The following ZMIZ1 variants were observed in gnomAD, a reference collection of about 807,000 sequenced individuals.
ZMIZ1 encodes the protein zinc finger MIZ domain-containing protein 1.
Under a neutral mutation model 113.9 loss-of-function variants are expected in ZMIZ1, and 17 were observed. The observed-to-expected ratio is 0.15, with a 90% CI of 0.10 to 0.22. The LOEUF is 0.22. Among genes scored for constraint, ZMIZ1 ranks in the 10% least tolerant of loss-of-function variants. ZMIZ1 has a pLI of 1.00. For missense variants in ZMIZ1, 1,059 were observed against 1,477.8 expected (o/e 0.72, Z 4.65); for synonymous variants, 607 against 603.1 (o/e 1.01, Z -0.09).
chr10:79,188,336 A>G (rs1262787143), intron 4 of ZMIZ1, among the ~76,000 whole-genome samples: 1 of 151,904 alleles, frequency 6.6e-6, no homozygotes, highest in Non-Finnish European at 1.5e-5. Context: ...AGCTCATGTG[A>G]CCTTCCTACT....
chr10:79,198,993 C>G (rs959058902), intron 4 of ZMIZ1, among the ~76,000 whole-genome samples: 1 of 150,854 alleles, frequency 6.6e-6, no homozygotes, highest in Non-Finnish European at 1.5e-5. Flanking sequence ...AAGATCACGC[C>G]ATTGCACTCC....
At chr10:79,195,609 G>A (rs1228092521) in intron 4 of ZMIZ1, among the ~76,000 whole-genome samples, 1 of 152,250 alleles carries the variant, frequency 6.6e-6, no homozygotes, top group Non-Finnish European at 1.5e-5. Context: ...CTCTTGTGGC[G>A]AAGGGCGACC....
intron 3 of ZMIZ1, among the ~76,000 whole-genome samples, chr10:79,154,450 G>A (rs1173616364): frequency 6.6e-6 from 1 of 152,202 alleles, no homozygotes; most frequent in East Asian, 1.9e-4. Flanking sequence ...GCAGAGGCAA[G>A]AGGCAAAACT....
chr10:79,180,835 G>T (rs576621293), intron 4 of ZMIZ1, among the ~76,000 whole-genome samples: 34 of 152,350 alleles, frequency 2.2e-4, no homozygotes, highest in African/African-American at 7.5e-4. Flanking sequence ...TTTGACTCCA[G>T]TCCCAGCTCA....
At position 79,277,177 on chromosome 10, in the gene ZMIZ1, G is replaced by A. The variant is rs1223650801; in HGVS notation, c.281-4G>A. On this transcript the variant is annotated splice_region_variant and splice_polypyrimidine_tract_variant and intron_variant, in intron 7 of 24. Transcript: ENST00000334512. Reference sequence around the variant, plus strand: ...ACCCACTGACTGTCCTGTCCTTCCTGCAGCCTTGTTGTCCTCCTGGTGCGA... The same window carrying A: ...ACCCACTGACTGTCCTGTCCTTCCTACAGCCTTGTTGTCCTCCTGGTGCGA... The A allele has an allele frequency of 2.6e-6, 4 of 1,531,914 alleles. No individual in the cohort carries two copies. Among genetic ancestry groups the A allele is most frequent in the African/African-American group, 2.8e-5 (2 of 70,376 alleles). The allele number at this position is 1,531,914 out of a possible 1,614,324, so 94.9% of individuals were successfully genotyped here.
chr10:79,098,116 C>A (rs897757467), intron 1 of ZMIZ1, among the ~76,000 whole-genome samples: 1 of 152,126 alleles, frequency 6.6e-6, no homozygotes. Context: ...TCATTCCTAC[C>A]TAAGGGTCAG....
At chr10:79,234,311 A>T (rs1359327275) in intron 7 of ZMIZ1, among the ~76,000 whole-genome samples, 1 of 152,090 alleles carries the variant, frequency 6.6e-6, no homozygotes, top group Non-Finnish European at 1.5e-5. Context: ...CCTCGTGCCC[A>T]CGCCCTTCCC....
At chr10:79,200,412 G>A (rs952301771) in intron 4 of ZMIZ1, among the ~76,000 whole-genome samples, 1 of 152,204 alleles carries the variant, frequency 6.6e-6, no homozygotes, top group African/African-American at 2.4e-5. Flanking sequence ...GACTCCCAGG[G>A]CTTTTTCGAG....
rs145459317 is a variant in ZMIZ1 at position 79,300,930 on chromosome 10, G to A, written c.2007G>A (p.Thr669=). The part of the protein sequence containing the change: ...PGRNTIQITV[T]ACCCSHLFVL... The stretch of plus-strand genomic sequence containing the variant: ...GCAACACCATCCAGATCACCGTCAC[G>A]GCCTGCTGCTGCGTGAGTGTGGTGG... Residue 669 remains threonine (T), a synonymous_variant, in exon 17 of 25, where the codon ACG becomes ACA. Transcript: ENST00000334512. 36 of 1,610,338 alleles carry A rather than the reference G, an allele frequency of 2.2e-5. No individual in the cohort carries two copies. Among genetic ancestry groups the A allele is most frequent in the African/African-American group, 4.0e-5 (3 of 74,916 alleles).
intron 4 of ZMIZ1, among the ~76,000 whole-genome samples, chr10:79,168,184 G>A (rs35953565): frequency 6.6e-6 from 1 of 152,334 alleles, no homozygotes; most frequent in East Asian, 1.9e-4. Flanking sequence ...CCTCTGCTCA[G>A]GCAGTGTGGC....
At chr10:79,185,597 A>G (rs1589392932) in intron 4 of ZMIZ1, among the ~76,000 whole-genome samples, 1 of 152,032 alleles carries the variant, frequency 6.6e-6, no homozygotes, top group Non-Finnish European at 1.5e-5. Context: ...CCAGATCGCT[A>G]TGTCCGGGGT....
At position 79,274,223 on chromosome 10, in the gene ZMIZ1, C is replaced by T. The variant is rs117484357; in HGVS notation, c.281-2958C>T. Reference sequence around the variant, plus strand: ...CCCTCCCATTGCCTGGTATGCTCTGCGCACACCACACCAGGTCCTCCCGTC... The same window carrying T: ...CCCTCCCATTGCCTGGTATGCTCTGTGCACACCACACCAGGTCCTCCCGTC... On this transcript the variant is annotated intron_variant, in intron 7 of 24. Transcript: ENST00000334512. 2.1e-4 allele frequency among the ~76,000 whole-genome samples: 32 copies of T among 152,332 alleles called. No individual in the cohort carries two copies. The East Asian group carries it at 4.2e-3, about 20-fold the overall frequency.
chr10:79,157,382 T>TGG (rs1189095526), intron 3 of ZMIZ1, among the ~76,000 whole-genome samples: 1 of 151,494 alleles, frequency 6.6e-6, no homozygotes, highest in Non-Finnish European at 1.5e-5. Context: ...TGTGTGTGTG[T>TGG]GTGTGTGTGT....
chr10:79,087,694 G>A (rs1842860553), intron 1 of ZMIZ1, among the ~76,000 whole-genome samples: 1 of 152,188 alleles, frequency 6.6e-6, no homozygotes, highest in Non-Finnish European at 1.5e-5. Context: ...CTGAAATTCA[G>A]TGCCCTTCAT....
intron 1 of ZMIZ1, among the ~76,000 whole-genome samples, chr10:79,117,562 G>A (rs1336784566): frequency 6.6e-6 from 1 of 152,230 alleles, no homozygotes; most frequent in East Asian, 1.9e-4. Context: ...TCATTTTCTG[G>A]CTGTTACGAA....
intron 7 of ZMIZ1, among the ~76,000 whole-genome samples, chr10:79,248,822 C>T (rs902539019): frequency 6.6e-6 from 1 of 152,128 alleles, no homozygotes; most frequent in Non-Finnish European, 1.5e-5. Context: ...GGCTTTAAAT[C>T]AATGTGTGCA....
Position 79,313,879 on chromosome 10 carries a change from G to T in ZMIZ1, c.*1130G>T. ...AAGGGCAGTGCGTGGAAAGGCCGGG[G>T]AGGTGCAGAAACCAGAGCCCAGGGC... On this transcript the variant is annotated 3_prime_UTR_variant, in exon 25 of 25. Transcript: ENST00000334512. 2.7e-6 allele frequency: 1 copy of T among 371,792 alleles called. No homozygotes were observed. Among genetic ancestry groups the T allele is most frequent in the South Asian group, 2.0e-5 (1 of 50,426 alleles). 23.0% of individuals were successfully genotyped at this position (371,792 alleles called of 1,614,324 possible).
Position 79,277,244 on chromosome 10 carries a change from G to A in ZMIZ1, c.344G>A (p.Arg115His), listed in dbSNP as rs758217814. ...CTGCTGCTCCGACATCAGAAGAGCC[G>A]CCAGAGCGATCCCCCTGGGAAACTC... ...RLLLLRHQKS[R>H]QSDPPGKLPM... Residue 115 changes from arginine (R) to histidine (H), a missense_variant, in exon 8 of 25, where the codon CGC becomes CAC. This residue lies in a region of ZMIZ1 where 272 missense variants were observed against 350.4 expected (regional missense o/e 0.78). Transcript: ENST00000334512. The A allele has an allele frequency of 3.6e-5, 57 of 1,590,082 alleles. No individual in the cohort carries two copies. Among genetic ancestry groups the A allele is most frequent in the Admixed American group, 2.2e-4 (12 of 55,664 alleles).
intron 7 of ZMIZ1, among the ~76,000 whole-genome samples, chr10:79,269,715 C>T (rs1354576886): frequency 1.3e-5 from 2 of 152,158 alleles, no homozygotes; most frequent in Non-Finnish European, 2.9e-5. Context: ...CCAGATCTTA[C>T]CAGGAGCAAG....
Sources: gnomAD v4.1 joint callset for allele counts (sites outside exome capture counted in the v4.1 genomes callset) on GRCh38, gnomAD v4.1.1 for gene constraint, gnomAD v4.1.1 regional missense constraint, MANE v1.5 for transcripts, NCBI Gene and HGNC (gene_info 2026-07-23, HGNC 2026-07-21) for gene names.